GTF2I: variants seen among roughly 807,000 people sequenced by gnomAD.
GTF2I encodes the protein general transcription factor IIi, also known as general transcription factor II-I.
GTF2I carries 12 observed loss-of-function variants against 67.6 expected under a neutral mutation model. The observed-to-expected ratio is 0.18, with a 90% CI of 0.11 to 0.29. GTF2I has a LOEUF of 0.29. Among genes scored for constraint, GTF2I ranks in the 10% least tolerant of loss-of-function variants. The pLI, the probability that GTF2I is intolerant of heterozygous loss-of-function variation, is 1.00. For missense variants in GTF2I, 271 were observed against 580.1 expected, an observed-to-expected ratio of 0.47 and a Z score of 5.47; for synonymous variants, 149 against 197.0, an observed-to-expected ratio of 0.76 and a Z score of 2.04.
intron 1 of GTF2I, among the ~76,000 whole-genome samples, chr7:74,659,141 T>G (rs1420942389): frequency 6.6e-6 from 1 of 152,174 alleles, no homozygotes; most frequent in Non-Finnish European, 1.5e-5. Flanking sequence ...CAGGCTGGTC[T>G]TGAACTCCTA....
chr7:74,705,160 G>A lies in GTF2I; in HGVS notation c.587-4G>A. ...TAACTCCAATTTTTTTTTTTTGTAT[G>A]TAGGTGGTCGTGTGATGGTAACAGA... On this transcript the variant is annotated splice_region_variant and splice_polypyrimidine_tract_variant and intron_variant, in intron 6 of 34. Coordinates refer to ENST00000573035, the MANE Select transcript of GTF2I (RefSeq NM_032999.4). The A allele has an allele frequency of 6.4e-7, 1 of 1,571,880 alleles. No homozygotes were observed. Among genetic ancestry groups the A allele is most frequent in the Admixed American group, 1.7e-5 (1 of 57,920 alleles).
At chr7:74,706,652 CAT>C in intron 8 of GTF2I, among the ~76,000 whole-genome samples, 1 of 152,140 alleles carries the variant, frequency 6.6e-6, no homozygotes, top group South Asian at 2.1e-4. Flanking sequence ...TTGCCAGTTA[CAT>C]ATGTTTGTAG....
chr7:74,705,058 G>T, intron 6 of GTF2I, 106 bp from the exon 7 acceptor site: 1 of 730,118 alleles, frequency 1.4e-6, no homozygotes, highest in South Asian at 1.5e-5. Flanking sequence ...GTGATCCAGA[G>T]CTGCAAAGCC....
intron 6 of GTF2I, 31 bp downstream of exon 6, chr7:74,700,665 G>T: frequency 6.2e-7 from 1 of 1,606,504 alleles, no homozygotes; most frequent in Non-Finnish European, 8.5e-7. Context: ...CTTGATAGCT[G>T]GCTGGCCTCC....
At chr7:74,703,655 T>TAGGCGTG (rs1554400463) in intron 6 of GTF2I, among the ~76,000 whole-genome samples, 2 of 152,218 alleles carry the variant, frequency 1.3e-5, no homozygotes, top group Non-Finnish European at 2.9e-5. Context: ...GCTGGGATTA[T>TAGGCGTG]AGGCGTGAGC....
intron 1 of GTF2I, among the ~76,000 whole-genome samples, chr7:74,671,699 C>T (rs868936282): frequency 2.0e-5 from 3 of 151,908 alleles, no homozygotes; most frequent in Non-Finnish European, 4.4e-5. Flanking sequence ...ATTTCACAGC[C>T]GGCTGGCCAT....
Position 74,691,271 on chromosome 7 carries a change from C to T in GTF2I, c.238+160C>T, listed in dbSNP as rs1788275904. ...GCCTAGGCTGGAGTGCAGTGGCACA[C>T]TCTTGGCTCACCACAACCCCCGCTG... is the stretch of plus-strand genomic sequence containing the variant. On this transcript the variant is annotated intron_variant, in intron 3 of 34. Transcript: ENST00000573035. Among the ~76,000 whole-genome samples the T allele has an allele frequency of 3.3e-5, 5 of 150,248 alleles. No homozygotes were observed. The South Asian group carries it at 8.4e-4, about 25-fold the overall frequency.
intron 3 of GTF2I, among the ~76,000 whole-genome samples, chr7:74,693,639 G>T (rs950149612): frequency 6.6e-6 from 1 of 152,040 alleles, no homozygotes; most frequent in Non-Finnish European, 1.5e-5. Flanking sequence ...GAGGTCAAGA[G>T]ATCGAGACCA....
intron 3 of GTF2I, among the ~76,000 whole-genome samples, chr7:74,693,775 G>A (rs900166560): frequency 6.6e-6 from 1 of 152,154 alleles, no homozygotes; most frequent in South Asian, 2.1e-4. Flanking sequence ...GAACCTGGGA[G>A]GTGGAGGTTG....
At chr7:74,711,253 AT>A (rs1791510314) in intron 9 of GTF2I, 144 bp downstream of exon 9, 1 of 463,966 alleles carries the variant, frequency 2.2e-6, no homozygotes, top group Non-Finnish European at 3.9e-6. Context: ...AGTCCCGGGG[AT>A]AAAACATTTA....
chr7:74,700,102 A>T (rs980527151), intron 4 of GTF2I, 145 bp from the exon 5 acceptor site: 3 of 803,730 alleles, frequency 3.7e-6, no homozygotes, highest in Admixed American at 2.9e-5. Flanking sequence ...ACATGGGGAG[A>T]TAGAATGCTG....
intron 2 of GTF2I, among the ~76,000 whole-genome samples, chr7:74,690,170 G>A (rs965126000): frequency 7.9e-5 from 12 of 151,856 alleles, no homozygotes; most frequent in African/African-American, 2.4e-4. Context: ...AGCCGAGATC[G>A]CGCCACCACA....
rs187875453 is a variant in GTF2I at position 74,671,067 on chromosome 7, A to G, written c.-6+12999A>G. Among the ~76,000 whole-genome samples the G allele has an allele frequency of 7.3e-5, 10 of 137,324 alleles. No individual in the cohort carries two copies. In the Admixed American group the frequency reaches 7.5e-4, roughly 10 times the overall value. 90.1% of individuals were successfully genotyped at this position (137,324 alleles called of 152,430 possible). A position where few individuals can be genotyped will look rare whatever the true frequency, so the allele number is the denominator to read the frequency against. On this transcript the variant is annotated intron_variant, in intron 1 of 34. Coordinates refer to ENST00000573035, the MANE Select transcript of GTF2I (RefSeq NM_032999.4). ...TCAGAGCTGAACTTGTGATCCACTG[A>G]TTGGGCAGATCCTTTTTTTTTTTTT... is the stretch of plus-strand genomic sequence containing the variant.
chr7:74,665,906 T>G (rs587776298), intron 1 of GTF2I, among the ~76,000 whole-genome samples: 165 of 152,312 alleles, frequency 1.1e-3, no homozygotes, highest in Admixed American at 2.1e-3. Flanking sequence ...GGATCCCAGC[T>G]CATTGCAACC....
intron 1 of GTF2I, among the ~76,000 whole-genome samples, chr7:74,667,463 C>T (rs140593960): frequency 2.2e-4 from 34 of 152,178 alleles, no homozygotes; most frequent in African/African-American, 7.0e-4. Context: ...TTGTTGTTGT[C>T]GTTGTTGTTA....
At chr7:74,670,236 G>T (rs1464231300) in intron 1 of GTF2I, among the ~76,000 whole-genome samples, 1 of 152,168 alleles carries the variant, frequency 6.6e-6, no homozygotes, top group African/African-American at 2.4e-5. Flanking sequence ...AGGTAAGTAT[G>T]CAGACTGTTG....
Position 74,706,621 on chromosome 7 carries a change from G to C in GTF2I, c.685+188G>C, listed in dbSNP as rs587732685. On this transcript the variant is annotated intron_variant, in intron 8 of 34. Coordinates refer to ENST00000573035, the MANE Select transcript of GTF2I (RefSeq NM_032999.4). ...AAGACCCAGAAAGGTAATTTGCTCA[G>C]TAAGTGGTAGGCAGAGTTCTTTGCC... 2.0e-5 allele frequency among the ~76,000 whole-genome samples: 3 copies of C among 152,306 alleles called. No homozygotes were observed. The East Asian group carries it at 5.8e-4, about 29-fold the overall frequency.
chr7:74,680,695 T>C (rs1787197599), intron 1 of GTF2I, among the ~76,000 whole-genome samples: 1 of 152,184 alleles, frequency 6.6e-6, no homozygotes, highest in Non-Finnish European at 1.5e-5. Flanking sequence ...TTAGCAGTGA[T>C]GGTGCCACTG....
At position 74,696,154 on chromosome 7, in the gene GTF2I, G is replaced by A. The variant is rs191613945; in HGVS notation, c.239-2807G>A. Among the ~76,000 whole-genome samples the A allele has an allele frequency of 4.0e-4, 60 of 151,720 alleles. 1 individual carries two copies. Among genetic ancestry groups the A allele is most frequent in the Admixed American group, 3.2e-3 (49 of 15,214 alleles). ...TTACAGGCACACCTGGCTAATTTTT[G>A]TATTTTTAGTAGAGATGGGGTTTTG... On this transcript the variant is annotated intron_variant, in intron 3 of 34. Coordinates refer to ENST00000573035, the MANE Select transcript of GTF2I (RefSeq NM_032999.4).
Sources: allele counts gnomAD v4.1 joint callset (sites outside exome capture counted in the v4.1 genomes callset), GRCh38; gene constraint gnomAD v4.1.1; transcripts MANE v1.5; gene names NCBI Gene and HGNC (gene_info 2026-07-23, HGNC 2026-07-21).